CAMK1D: variants seen among roughly 807,000 people sequenced by gnomAD.
CAMK1D encodes the protein calcium/calmodulin dependent protein kinase ID, also known as calcium/calmodulin-dependent protein kinase type 1D.
CAMK1D carries 9 observed loss-of-function variants against 47.7 expected under a neutral mutation model. The ratio of observed to expected loss-of-function variants is 0.19; its 90% CI spans 0.11 to 0.33. CAMK1D has a LOEUF of 0.33. Ranked by LOEUF, CAMK1D falls within the 10% of genes least tolerant of loss-of-function variation. The pLI, the probability that CAMK1D is intolerant of heterozygous loss-of-function variation, is 1.00. For synonymous variants in CAMK1D, 184 were observed against 184.9 expected (o/e 0.99, Z 0.04); for missense variants, 291 against 488.7 (o/e 0.60, Z 3.81).
intron 1 of CAMK1D, among the ~76,000 whole-genome samples, chr10:12,457,176 A>G (rs1339588381): frequency 6.6e-6 from 1 of 152,106 alleles, no homozygotes; most frequent in Non-Finnish European, 1.5e-5. Context: ...AGATCACTTG[A>G]GGTTGGGAGT....
chr10:12,362,397 C>T (rs1837692024), intron 1 of CAMK1D, among the ~76,000 whole-genome samples: 1 of 151,722 alleles, frequency 6.6e-6, no homozygotes. Flanking sequence ...CAACCTGCCG[C>T]GGATAACAAA....
At chr10:12,692,158 A>C (rs1832955383) in intron 3 of CAMK1D, among the ~76,000 whole-genome samples, 1 of 152,194 alleles carries the variant, frequency 6.6e-6, no homozygotes, top group Non-Finnish European at 1.5e-5. Context: ...GTTTGATTTC[A>C]CACAGCAGGC....
At chr10:12,507,488 C>A (rs1834911849) in intron 1 of CAMK1D, among the ~76,000 whole-genome samples, 1 of 152,062 alleles carries the variant, frequency 6.6e-6, no homozygotes, top group Non-Finnish European at 1.5e-5. Context: ...GAATAATTTC[C>A]CTGTAATATC....
chr10:12,813,812 G>A lies in CAMK1D; in HGVS notation c.642-383G>A, dbSNP rs186141881. ...GTCTCGCTCTGTCACCCAGGCTAGA[G>A]TGCAGTGATGCGATCTTGGCTCACT... On this transcript the variant is annotated intron_variant, in intron 6 of 10. Transcript: ENST00000619168. Among the ~76,000 whole-genome samples the A allele has an allele frequency of 9.5e-4, 144 of 151,994 alleles. 2 individuals carry two copies. Among genetic ancestry groups the A allele is most frequent in the African/African-American group, 3.2e-3 (134 of 41,466 alleles).
At chr10:12,370,558 G>A (rs1837974051) in intron 1 of CAMK1D, among the ~76,000 whole-genome samples, 1 of 152,070 alleles carries the variant, frequency 6.6e-6, no homozygotes, top group Admixed American at 6.6e-5. Context: ...GGTGGAAGAC[G>A]GTGATATTGA....
intron 2 of CAMK1D, among the ~76,000 whole-genome samples, chr10:12,642,957 G>A (rs1839706177): frequency 6.6e-6 from 1 of 152,040 alleles, no homozygotes; most frequent in African/African-American, 2.4e-5. Flanking sequence ...TGAAAATTAG[G>A]GGTAACTTCT....
intron 3 of CAMK1D, among the ~76,000 whole-genome samples, chr10:12,757,061 G>A (rs1836263628): frequency 6.6e-6 from 1 of 152,164 alleles, no homozygotes; most frequent in Non-Finnish European, 1.5e-5. Context: ...ATCTTTGCCA[G>A]CCTGTTTACC....
At chr10:12,816,872 C>CAAAAAAAAAAAAAAAAAAA (rs71386122) in intron 8 of CAMK1D, among the ~76,000 whole-genome samples, 2 of 57,428 alleles carry the variant, frequency 3.5e-5, no homozygotes, top group African/African-American at 5.6e-5. Context: ...AACTCTGTCT[C>CAAAAAAAAAAAAAAAAAAA]AAAAAAAAAA....
At chr10:12,816,218 G>T in intron 7 of CAMK1D, 32 bp from the exon 8 acceptor site, 1 of 1,595,616 alleles carries the variant, frequency 6.3e-7, no homozygotes, top group South Asian at 1.1e-5. Context: ...GTCGCAAAGT[G>T]ATTCCTTCCC....
chr10:12,362,732 G>A (rs749787146), intron 1 of CAMK1D, among the ~76,000 whole-genome samples: 11 of 151,980 alleles, frequency 7.2e-5, no homozygotes, highest in Admixed American at 1.3e-4. Flanking sequence ...GGATAGTCGC[G>A]ATCTCCTGAC....
intron 5 of CAMK1D, among the ~76,000 whole-genome samples, chr10:12,776,418 T>A (rs550098085): frequency 1.3e-5 from 2 of 152,316 alleles, no homozygotes; most frequent in African/African-American, 4.8e-5. Flanking sequence ...AACATGACCC[T>A]GGAACTATGT....
chr10:12,694,189 A>T (rs1252245331), intron 3 of CAMK1D, among the ~76,000 whole-genome samples: 6 of 40,718 alleles, frequency 1.5e-4, no homozygotes, highest in Non-Finnish European at 1.6e-4. Flanking sequence ...TATATAATAT[A>T]ATATATATTA....
At chr10:12,467,974 C>T (rs1375595634) in intron 1 of CAMK1D, among the ~76,000 whole-genome samples, 1 of 152,204 alleles carries the variant, frequency 6.6e-6, no homozygotes, top group Non-Finnish European at 1.5e-5. Context: ...TACAAGTTTA[C>T]AGTACAATAT....
chr10:12,733,824 T>C (rs74875202), intron 3 of CAMK1D, among the ~76,000 whole-genome samples: 2,743 of 152,324 alleles, frequency 0.018, 88 homozygotes, highest in African/African-American at 0.061. Context: ...ATGTTCATTG[T>C]ATTGTAAATT....
chr10:12,415,748 T>G (rs915402925), intron 1 of CAMK1D, among the ~76,000 whole-genome samples: 2 of 96,976 alleles, frequency 2.1e-5, no homozygotes, highest in South Asian at 3.4e-4. Context: ...AAAATTACGT[T>G]TTTTTTTTTT....
At chr10:12,360,076 G>C (rs1451256546) in intron 1 of CAMK1D, among the ~76,000 whole-genome samples, 1 of 152,110 alleles carries the variant, frequency 6.6e-6, no homozygotes, top group African/African-American at 2.4e-5. Flanking sequence ...TTGATTTACT[G>C]GTGCCTCTAT....
At chr10:12,553,678 T>A (rs1370264938) in intron 2 of CAMK1D, among the ~76,000 whole-genome samples, 1 of 152,118 alleles carries the variant, frequency 6.6e-6, no homozygotes, top group Non-Finnish European at 1.5e-5. Flanking sequence ...CTCTGTAAAA[T>A]GGAGTTACCG....
At chr10:12,649,987 C>T (rs1839914950) in intron 2 of CAMK1D, among the ~76,000 whole-genome samples, 1 of 152,236 alleles carries the variant, frequency 6.6e-6, no homozygotes, top group Non-Finnish European at 1.5e-5. Context: ...TTCAGCATCT[C>T]TGCAAGAGAA....
At chr10:12,433,969 A>G (rs78590502) in intron 1 of CAMK1D, among the ~76,000 whole-genome samples, 3,096 of 152,180 alleles carry the variant, frequency 0.02, 112 homozygotes, top group African/African-American at 0.071. Flanking sequence ...GCCCTTGTGA[A>G]TTTTATTATG....
Sources: gnomAD v4.1 joint callset for allele counts (sites outside exome capture counted in the v4.1 genomes callset) on GRCh38, gnomAD v4.1.1 for gene constraint, MANE v1.5 for transcripts, NCBI Gene and HGNC (gene_info 2026-07-23, HGNC 2026-07-21) for gene names.